PITX1: variants seen among roughly 807,000 people sequenced by gnomAD.
The protein encoded by PITX1 is pituitary homeobox 1.
PITX1 carries 5 observed loss-of-function variants against 24.1 expected under a neutral mutation model. The observed-to-expected ratio is 0.21, with a 90% CI of 0.11 to 0.44. PITX1 has a LOEUF of 0.44. Ranked by LOEUF, PITX1 falls within the 20% of genes least tolerant of loss-of-function variation. The probability of loss-of-function intolerance (pLI) is 0.99; values close to 1 mark genes in which losing one functional copy is unlikely to be tolerated. For synonymous variants in PITX1, 213 were observed against 208.9 expected (o/e 1.02, Z -0.17); for missense variants, 401 against 455.4 (o/e 0.88, Z 1.09).
chr5:135,029,599 T>C (rs1752414656), intron 2 of PITX1, among the ~76,000 whole-genome samples: 1 of 152,258 alleles, frequency 6.6e-6, no homozygotes, highest in African/African-American at 2.4e-5. Flanking sequence ...GTTTTCTTTC[T>C]TCCTCTCTCA....
rs1392730969 is a variant in PITX1, at chr5:135,028,743, G to A, written c.*36C>T. On this transcript the variant is annotated 3_prime_UTR_variant, in exon 3 of 3. Transcript: ENST00000265340. ...CGCGCCCGCGCCCGCGCCCTTCCCCGCTCCGGCCGCCGGCCCGCGTGGTGC... is the reference window on the plus strand; with the variant it reads ...CGCGCCCGCGCCCGCGCCCTTCCCCACTCCGGCCGCCGGCCCGCGTGGTGC... The A allele has an allele frequency of 3.4e-6, 5 of 1,473,320 alleles. No homozygotes were observed. Among genetic ancestry groups the A allele is most frequent in the Non-Finnish European group, 3.6e-6 (4 of 1,112,058 alleles). 91.3% of individuals were successfully genotyped at this position (1,473,320 alleles called of 1,614,324 possible). A position where few individuals can be genotyped will look rare whatever the true frequency, so the allele number is the denominator to read the frequency against.
chr5:135,033,615 G>C lies in PITX1; in HGVS notation c.169+98C>G. Reference sequence around the variant, plus strand: ...CTGACGCTTCTGGGGCGGAGAGGGAGCTTGGTTGCGCGGCGCGGGCGTCAG... The same window carrying C: ...CTGACGCTTCTGGGGCGGAGAGGGACCTTGGTTGCGCGGCGCGGGCGTCAG... On this transcript the variant is annotated intron_variant, in intron 1 of 2. Coordinates refer to ENST00000265340, the MANE Select transcript of PITX1 (RefSeq NM_002653.5). This position sits in a 1 kb window ranked among gnomAD's most constrained non-coding sequence, Gnocchi z 5.9. 1.6e-6 allele frequency: 2 copies of C among 1,225,748 alleles called. No individual in the cohort carries two copies. The highest frequency in any genetic ancestry group is 2.3e-6 in the Non-Finnish European group (2 of 861,470). 75.9% of individuals were successfully genotyped at this position (1,225,748 alleles called of 1,614,324 possible). A position where few individuals can be genotyped will look rare whatever the true frequency, so the allele number is the denominator to read the frequency against.
In PITX1 at chr5:135,033,815, G is replaced by A; in HGVS notation, c.67C>T (p.Pro23Ser). ...LPEGLRPPPP[P>S]PHDMGPAFHL... is the part of the protein sequence containing the mutation. The stretch of plus-strand genomic sequence containing the variant: ...AAGGCGGGCCCCATGTCATGGGGTG[G>A]CGGCGGCGGCGGCCGGAGCCCCTCC... Residue 23 changes from proline (P) to serine (S), a missense_variant, in exon 1 of 3, where the codon CCA becomes TCA. Pro to Ser is a moderately conservative substitution (Grantham distance 74). Coordinates refer to ENST00000265340, the MANE Select transcript of PITX1 (RefSeq NM_002653.5). The surrounding 1 kb of genome is among the most constrained non-coding windows in gnomAD (Gnocchi z 5.9). 6 of 1,535,748 alleles carry A rather than the reference G, an allele frequency of 3.9e-6. No individual in the cohort carries two copies. Among genetic ancestry groups the A allele is most frequent in the Non-Finnish European group, 1.7e-6 (2 of 1,149,824 alleles).
chr5:135,033,605 C>T lies in PITX1; in HGVS notation c.169+108G>A, dbSNP rs1206201627. On this transcript the variant is annotated intron_variant, in intron 1 of 2. Coordinates refer to ENST00000265340, the MANE Select transcript of PITX1 (RefSeq NM_002653.5). This position sits in a 1 kb window ranked among gnomAD's most constrained non-coding sequence, Gnocchi z 5.9. ...AAGAAAGCTCCTGACGCTTCTGGGG[C>T]GGAGAGGGAGCTTGGTTGCGCGGCG... is the stretch of plus-strand genomic sequence containing the variant. 1.8e-6 allele frequency: 2 copies of T among 1,120,022 alleles called. No individual in the cohort carries two copies. The highest frequency in any genetic ancestry group is 2.6e-6 in the Non-Finnish European group (2 of 770,800). The allele number at this position is 1,120,022 out of a possible 1,614,324, so 69.4% of individuals were successfully genotyped here.
chr5:135,032,230 A>C (rs746048012), intron 1 of PITX1, among the ~76,000 whole-genome samples: 2 of 152,246 alleles, frequency 1.3e-5, no homozygotes, highest in Non-Finnish European at 2.9e-5. Flanking sequence ...ACAAATTCTC[A>C]AAATCAGACA....
Position 135,031,309 on chromosome 5 carries a change from GGC to G in PITX1, c.367_368del (p.Ala123ArgfsTer23). 6.2e-7 allele frequency: 1 copy of G among 1,614,060 alleles called. No homozygotes were observed. The highest frequency in any genetic ancestry group is 8.5e-7 in the Non-Finnish European group (1 of 1,179,924). ...YPDMSMREEIAVWTNLTEPRV... is the reference protein window; with the variant it reads ...YPDMSMREEIXVWTNLTEPRV... ...GCGGCTCGGTGAGGTTGGTCCACACGGCGATCTCCTCCCTCATGCTCATGTCG... is the reference window on the plus strand; with the variant it reads ...GCGGCTCGGTGAGGTTGGTCCACACGGATCTCCTCCCTCATGCTCATGTCG... On this transcript the variant is annotated frameshift_variant, in exon 2 of 3. Transcript: ENST00000265340. LOFTEE classifies it high-confidence loss of function.
rs766860676 is a variant in PITX1 at position 135,031,285 on chromosome 5, C to A, written c.393G>T (p.Pro131=). 4.3e-6 allele frequency: 7 copies of A among 1,613,932 alleles called. No homozygotes were observed. Among genetic ancestry groups the A allele is most frequent in the African/African-American group, 2.7e-5 (2 of 75,044 alleles). Reference sequence around the variant, plus strand: ...CGCACCCCTTGCTCACCCGCACGCGCGGCTCGGTGAGGTTGGTCCACACGG... The same window carrying A: ...CGCACCCCTTGCTCACCCGCACGCGAGGCTCGGTGAGGTTGGTCCACACGG... ...EIAVWTNLTE[P]RVRVWFKNRR... The change falls in exon 2 of 3, where the codon CCG becomes CCT. Residue 131 remains proline, a synonymous_variant. Coordinates refer to ENST00000265340, the MANE Select transcript of PITX1 (RefSeq NM_002653.5).
In PITX1 at chr5:135,028,700, G is replaced by A. The variant is rs1292888407; in HGVS notation, c.*79C>T. 2.8e-6 allele frequency: 3 copies of A among 1,079,704 alleles called. No homozygotes were observed. The highest frequency in any genetic ancestry group is 3.6e-5 in the East Asian group (1 of 27,924). 66.9% of individuals were successfully genotyped at this position (1,079,704 alleles called of 1,614,324 possible). A position where few individuals can be genotyped will look rare whatever the true frequency, so the allele number is the denominator to read the frequency against. ...CGGTGAGCTGGGGCTTGCGAGCCGG[G>A]GCCCCGCGTGCGTCCTCCGCGCCCG... On this transcript the variant is annotated 3_prime_UTR_variant, in exon 3 of 3. Transcript: ENST00000265340.
At chr5:135,030,030 T>C (rs1369036257) in intron 2 of PITX1, among the ~76,000 whole-genome samples, 1 of 152,202 alleles carries the variant, frequency 6.6e-6, no homozygotes, top group Non-Finnish European at 1.5e-5. Flanking sequence ...ATTTAATTTC[T>C]TTCCTGCCGC....
Position 135,033,397 on chromosome 5 carries a change from C to T in PITX1, c.169+316G>A, listed in dbSNP as rs757142296. ...TCCCTTCGTCCGAGCCGCTCCTTAG[C>T]GCCCAGTTGCGCAAATCAAATTCTT... is the stretch of plus-strand genomic sequence containing the variant. On this transcript the variant is annotated intron_variant, in intron 1 of 2. Coordinates refer to ENST00000265340, the MANE Select transcript of PITX1 (RefSeq NM_002653.5). The surrounding 1 kb of genome is among the most constrained non-coding windows in gnomAD (Gnocchi z 5.9). The T allele has an allele frequency of 2.2e-5, 9 of 403,416 alleles. No homozygotes were observed. Among genetic ancestry groups the T allele is most frequent in the Admixed American group, 4.2e-5 (1 of 24,062 alleles). 25.0% of individuals were successfully genotyped at this position (403,416 alleles called of 1,614,324 possible).
Position 135,031,447 on chromosome 5 carries a change from G to C in PITX1, c.231C>G (p.Cys77Trp), listed in dbSNP as rs753078578. 3.7e-6 allele frequency: 6 copies of C among 1,613,700 alleles called. No homozygotes were observed. Among genetic ancestry groups the C allele is most frequent in the Non-Finnish European group, 4.2e-6 (5 of 1,179,908 alleles). The change falls in exon 2 of 3, where the codon TGC becomes TGG. Residue 77 changes from cysteine to tryptophan, a missense_variant. Around this residue, in one of 3 missense-constraint regions of PITX1, gnomAD observed 136 missense variants for 133.3 expected, o/e 1.02. Coordinates refer to ENST00000265340, the MANE Select transcript of PITX1 (RefSeq NM_002653.5). Reference sequence around the variant, plus strand: ...TCTTGGCTGGGTCGTCTGCGCCGCCGCAGCCCGTGCCTCCCGCACCACTGT... The same window carrying C: ...TCTTGGCTGGGTCGTCTGCGCCGCCCCAGCCCGTGCCTCCCGCACCACTGT... ...PEDSGAGGTGCGGADDPAKKK... is the reference protein window; with the variant it reads ...PEDSGAGGTGWGGADDPAKKK...
Position 135,033,516 on chromosome 5 carries a change from C to G in PITX1, c.169+197G>C. The G allele has an allele frequency of 1.6e-6, 1 of 606,258 alleles. No individual in the cohort carries two copies. 37.6% of individuals were successfully genotyped at this position (606,258 alleles called of 1,614,324 possible). On this transcript the variant is annotated intron_variant, in intron 1 of 2. Coordinates refer to ENST00000265340, the MANE Select transcript of PITX1 (RefSeq NM_002653.5). This position sits in a 1 kb window ranked among gnomAD's most constrained non-coding sequence, Gnocchi z 5.9. ...TGCCAGTCTCTTGGCGCGTGGGGAC[C>G]GCGTGGAAGTGCCTTCGCGTGTGCG... is the stretch of plus-strand genomic sequence containing the variant.
Position 135,033,789 on chromosome 5 carries a change from GA to G in PITX1, c.92del (p.Phe31SerfsTer74). The G allele has an allele frequency of 6.3e-7, 1 of 1,582,712 alleles. No homozygotes were observed. Among genetic ancestry groups the G allele is most frequent in the Non-Finnish European group, 8.5e-7 (1 of 1,172,196 alleles). ...GGGGGTCGGCGGGCCGGGCCAGGTG[GA>G]AGGCGGGCCCCATGTCATGGGGTGG... Reference protein sequence around the residue: ...PPPPHDMGPAFHLARPADPRE... With the variant: ...PPPPHDMGPAXHLARPADPRE... On this transcript the variant is annotated frameshift_variant, in exon 1 of 3. Transcript: ENST00000265340. LOFTEE classifies it high-confidence loss of function. This position sits in a 1 kb window ranked among gnomAD's most constrained non-coding sequence, Gnocchi z 5.9.
Position 135,033,658 on chromosome 5 carries a change from C to T in PITX1, c.169+55G>A. On this transcript the variant is annotated intron_variant, in intron 1 of 2. Coordinates refer to ENST00000265340, the MANE Select transcript of PITX1 (RefSeq NM_002653.5). The surrounding 1 kb of genome is among the most constrained non-coding windows in gnomAD (Gnocchi z 5.9). ...GGCGTCAGGCCCTGCTCCCAGCTCC[C>T]CGTGCTCCGCGCCCGGGTAGGCTCT... The T allele has an allele frequency of 6.4e-7, 1 of 1,566,680 alleles. No homozygotes were observed. The highest frequency in any genetic ancestry group is 8.6e-7 in the Non-Finnish European group (1 of 1,158,898).
intron 2 of PITX1, 77 bp downstream of exon 2, chr5:135,031,199 A>G: frequency 9.1e-7 from 1 of 1,098,286 alleles, no homozygotes; most frequent in Middle Eastern, 2.1e-4. Context: ...TTGTGGGTCT[A>G]AGCTTTGGAG....
chr5:135,029,153 G>C lies in PITX1; in HGVS notation c.571C>G (p.Pro191Ala). Reference sequence around the variant, plus strand: ...AAGCTCTTGGTGGAGAGCGGCGCTGGCGCCAGGCTCTTGGCGGCCCAGTTG... The same window carrying C: ...AAGCTCTTGGTGGAGAGCGGCGCTGCCGCCAGGCTCTTGGCGGCCCAGTTG... Reference protein sequence around the residue: ...YNNWAAKSLAPAPLSTKSFTF... With the variant: ...YNNWAAKSLAAAPLSTKSFTF... The change falls in exon 3 of 3, where the codon CCA (proline) becomes GCA (alanine). Residue 191 changes from proline (P) to alanine (A), a missense_variant. This residue lies in a region of PITX1 where 217 missense variants were observed against 219.8 expected (regional missense o/e 0.99). Transcript: ENST00000265340. 6.2e-7 allele frequency: 1 copy of C among 1,614,252 alleles called. No individual in the cohort carries two copies. The highest frequency in any genetic ancestry group is 8.5e-7 in the Non-Finnish European group (1 of 1,180,048).
chr5:135,031,144 T>G, intron 2 of PITX1, 132 bp downstream of exon 2: 1 of 715,468 alleles, frequency 1.4e-6, no homozygotes, highest in Non-Finnish European at 2.4e-6. Flanking sequence ...GGATCTCCGG[T>G]GGAGGGAGGG....
At position 135,033,708 on chromosome 5, in the gene PITX1, C is replaced by T; in HGVS notation, c.169+5G>A. On this transcript the variant is annotated splice_donor_5th_base_variant and intron_variant, in intron 1 of 2. Transcript: ENST00000265340. The surrounding 1 kb of genome is among the most constrained non-coding windows in gnomAD (Gnocchi z 5.9). ...TGTGCGCGCCGCGCGGGGAACGGCG[C>T]TTACCTGGCAGCTCCGTGTCAGACG... 2 of 1,595,864 alleles carry T rather than the reference C, an allele frequency of 1.3e-6. No individual in the cohort carries two copies. Among genetic ancestry groups the T allele is most frequent in the East Asian group, 2.2e-5 (1 of 44,592 alleles).
At chr5:135,032,839 A>C in intron 1 of PITX1, 1 of 342,514 alleles carries the variant, frequency 2.9e-6, no homozygotes. Flanking sequence ...AAAGAGAAAC[A>C]GATACTAAGA....
Sources: allele counts gnomAD v4.1 joint callset (sites outside exome capture counted in the v4.1 genomes callset), GRCh38; gene constraint gnomAD v4.1.1; regional missense constraint gnomAD v4.1.1; non-coding constraint Gnocchi (gnomAD v3.1); transcripts MANE v1.5; gene names NCBI Gene and HGNC (gene_info 2026-07-23, HGNC 2026-07-21).